EYA2: variants seen among roughly 807,000 people sequenced by gnomAD.
EYA2 encodes the protein EYA transcriptional coactivator and phosphatase 2.
A neutral mutation model predicts 69.2 loss-of-function variants in EYA2; 31 were observed. That is an observed-to-expected ratio of 0.45 (90% CI 0.34 to 0.60). The LOEUF (loss-of-function observed/expected upper bound fraction) is 0.60. Among genes scored for constraint, EYA2 ranks in the 20% least tolerant of loss-of-function variants. The probability of loss-of-function intolerance (pLI) is 0.02; values close to 1 mark genes in which losing one functional copy is unlikely to be tolerated. For synonymous variants in EYA2, 257 were observed against 279.4 expected (o/e 0.92, Z 0.80); for missense variants, 622 against 701.2 (o/e 0.89, Z 1.28).
chr20:46,903,663 A>G (rs1433681824), intron 1 of EYA2, among the ~76,000 whole-genome samples: 7 of 152,286 alleles, frequency 4.6e-5, no homozygotes, highest in Admixed American at 2.6e-4. Context: ...GTGAATAATA[A>G]TGCACCTTCC....
chr20:46,955,705 T>C (rs1979081826), intron 1 of EYA2, among the ~76,000 whole-genome samples: 1 of 152,248 alleles, frequency 6.6e-6, no homozygotes, highest in South Asian at 2.1e-4. Context: ...AATTTGCTAG[T>C]CTCCACTTTC....
intron 5 of EYA2, among the ~76,000 whole-genome samples, chr20:47,041,868 G>A (rs935774923): frequency 6.6e-6 from 1 of 151,434 alleles, no homozygotes; most frequent in African/African-American, 2.4e-5. Context: ...ACTTCTTTTG[G>A]TTCAAAAGTA....
intron 1 of EYA2, among the ~76,000 whole-genome samples, chr20:46,898,821 A>G (rs56837389): frequency 0.13 from 20,243 of 152,156 alleles, 1,489 homozygotes; most frequent in Non-Finnish European, 0.16. Flanking sequence ...GTTTTAAGGT[A>G]CCTGCCAGGT....
rs11473991 is a variant in EYA2, at chr20:47,169,121, CTG to C, written c.979-16_979-15del. 1 of 1,608,618 alleles carries C rather than the reference CTG, an allele frequency of 6.2e-7. No homozygotes were observed. Among genetic ancestry groups the C allele is most frequent in the African/African-American group, 1.3e-5 (1 of 74,192 alleles). On this transcript the variant is annotated splice_polypyrimidine_tract_variant and intron_variant, in intron 10 of 15. Coordinates refer to ENST00000327619, the MANE Select transcript of EYA2 (RefSeq NM_005244.5). ...GCATGTTCTCTCTCTCTCTCTCTCT[CTG>C]TCAAATTTTCCATAGGATTGTGACC...
At chr20:46,974,683 G>C (rs541216653) in intron 1 of EYA2, among the ~76,000 whole-genome samples, 3 of 152,208 alleles carry the variant, frequency 2.0e-5, no homozygotes, top group African/African-American at 7.2e-5. Context: ...AAGAGTCCTT[G>C]GTGTTTTGCT....
rs145318643 is a variant in EYA2 at position 46,900,644 on chromosome 20, C to G, written c.-11+5657C>G. 6.6e-5 allele frequency among the ~76,000 whole-genome samples: 10 copies of G among 152,302 alleles called. No homozygotes were observed. In the East Asian group the frequency reaches 1.9e-3, roughly 29 times the overall value. On this transcript the variant is annotated intron_variant, in intron 1 of 15. Transcript: ENST00000327619. ...TTAAATGTCATTGTTTGACTTATGT[C>G]AAAAAGCCCCCTTAGCCAGTTCTCT...
chr20:47,160,965 CT>C, intron 10 of EYA2: 1 of 290,020 alleles, frequency 3.4e-6, no homozygotes, highest in Non-Finnish European at 6.6e-6. Context: ...ATACAGTCTC[CT>C]TCCAGAGGTT....
intron 1 of EYA2, among the ~76,000 whole-genome samples, chr20:46,988,207 G>C (rs947359464): frequency 6.7e-6 from 1 of 150,036 alleles, no homozygotes; most frequent in Non-Finnish European, 1.5e-5. Context: ...TGTCCATGGC[G>C]GGGGGCGGGG....
At chr20:47,174,687 G>A (rs1251677262) in intron 12 of EYA2, among the ~76,000 whole-genome samples, 1 of 152,234 alleles carries the variant, frequency 6.6e-6, no homozygotes, top group African/African-American at 2.4e-5. Context: ...CCGTTTTCAT[G>A]GACTAGCTCC....
intron 1 of EYA2, among the ~76,000 whole-genome samples, chr20:46,931,088 G>T (rs6094511): frequency 6.6e-6 from 1 of 152,074 alleles, no homozygotes; most frequent in Non-Finnish European, 1.5e-5. Flanking sequence ...GTCCTCAGAT[G>T]ACTAGGCATG....
In EYA2 at chr20:46,991,540, G is replaced by A. The variant is rs79273408; in HGVS notation, c.109+1421G>A. On this transcript the variant is annotated intron_variant, in intron 2 of 15. Coordinates refer to ENST00000327619, the MANE Select transcript of EYA2 (RefSeq NM_005244.5). The stretch of plus-strand genomic sequence containing the variant: ...CCACAGTAAATTCAAAACCATGGTT[G>A]CACACAGGGCAGCCCACAGCCACAT... Among the ~76,000 whole-genome samples the A allele has an allele frequency of 2.0e-5, 3 of 152,168 alleles. No individual in the cohort carries two copies. The East Asian group carries it at 5.8e-4, about 29-fold the overall frequency.
At position 46,898,181 on chromosome 20, in the gene EYA2, A is replaced by G. The variant is rs565630035; in HGVS notation, c.-11+3194A>G. On this transcript the variant is annotated intron_variant, in intron 1 of 15. Transcript: ENST00000327619. ...AGGAGTTGGTTAGTCTGTTACCTCCAAAGGCTGGACTTTCTGACTAAGACT... is the reference window on the plus strand; with the variant it reads ...AGGAGTTGGTTAGTCTGTTACCTCCGAAGGCTGGACTTTCTGACTAAGACT... Among the ~76,000 whole-genome samples the G allele has an allele frequency of 2.0e-5, 3 of 151,238 alleles. No homozygotes were observed. In the East Asian group the frequency reaches 5.8e-4, roughly 29 times the overall value.
chr20:47,151,605 G>A (rs564865520), intron 10 of EYA2, among the ~76,000 whole-genome samples: 3 of 151,838 alleles, frequency 2.0e-5, no homozygotes, highest in South Asian at 4.2e-4. Flanking sequence ...CCAAGGCCTC[G>A]CCAGTTCCTA....
intron 1 of EYA2, among the ~76,000 whole-genome samples, chr20:46,948,988 G>T (rs1206245137): frequency 6.6e-6 from 1 of 152,222 alleles, no homozygotes; most frequent in Non-Finnish European, 1.5e-5. Context: ...ATTGCAGGAG[G>T]TGGGTGCTAA....
chr20:47,129,570 G>T lies in EYA2; in HGVS notation c.889-13489G>T, dbSNP rs549814511. 2.0e-5 allele frequency among the ~76,000 whole-genome samples: 3 copies of T among 152,338 alleles called. No homozygotes were observed. The South Asian group carries it at 6.2e-4, about 32-fold the overall frequency. On this transcript the variant is annotated intron_variant, in intron 9 of 15. Transcript: ENST00000327619. Reference sequence around the variant, plus strand: ...CACTAGAAGACGGTGGCTTTACTCAGAGGGCCAGGGGAAGCCAGTGGGTTT... The same window carrying T: ...CACTAGAAGACGGTGGCTTTACTCATAGGGCCAGGGGAAGCCAGTGGGTTT...
chr20:46,908,264 C>T (rs775701463), intron 1 of EYA2, among the ~76,000 whole-genome samples: 16 of 152,120 alleles, frequency 1.1e-4, no homozygotes, highest in South Asian at 1.0e-3. Context: ...ATATAAGGTA[C>T]GCAGAATATC....
chr20:47,098,311 A>G (rs1220106389), intron 9 of EYA2, among the ~76,000 whole-genome samples: 2 of 152,208 alleles, frequency 1.3e-5, no homozygotes, highest in Non-Finnish European at 2.9e-5. Context: ...CTCCACAGCC[A>G]TTGCAAAAAT....
intron 1 of EYA2, among the ~76,000 whole-genome samples, chr20:46,908,737 C>T (rs1018071751): frequency 9.9e-5 from 15 of 152,088 alleles, no homozygotes; most frequent in Middle Eastern, 3.4e-3. Flanking sequence ...AGAAATGTCC[C>T]GCTTTTAAAA....
Position 46,958,792 on chromosome 20 carries a change from T to C in EYA2, c.-10-31209T>C, listed in dbSNP as rs538349218. On this transcript the variant is annotated intron_variant, in intron 1 of 15. Coordinates refer to ENST00000327619, the MANE Select transcript of EYA2 (RefSeq NM_005244.5). ...GCACCTATTAAGTGAGAACATGCAG[T>C]ACTTGGTTTTCTGTTCCCGTGATAG... 2.6e-5 allele frequency among the ~76,000 whole-genome samples: 4 copies of C among 152,340 alleles called. No individual in the cohort carries two copies. In the South Asian group the frequency reaches 8.3e-4, roughly 32 times the overall value.
Sources: gnomAD v4.1 joint callset for allele counts (sites outside exome capture counted in the v4.1 genomes callset) on GRCh38, gnomAD v4.1.1 for gene constraint, MANE v1.5 for transcripts, NCBI Gene and HGNC (gene_info 2026-07-23, HGNC 2026-07-21) for gene names.